Variants in CNOT1 observed in about 807,000 individuals in gnomAD.
CNOT1 encodes CCR4-associated factor 1.
A neutral mutation model predicts 273.8 loss-of-function variants in CNOT1; 15 were observed. The observed-to-expected ratio is 0.05, with a 90% CI of 0.04 to 0.08. The LOEUF (loss-of-function observed/expected upper bound fraction) is 0.08, where lower values mean the gene tolerates loss of function less well. Among genes scored for constraint, CNOT1 ranks in the 10% least tolerant of loss-of-function variants. The pLI, the probability that CNOT1 is intolerant of heterozygous loss-of-function variation, is 1.00. For synonymous variants in CNOT1, 1,022 were observed against 1,005.5 expected (o/e 1.02, Z -0.31); for missense variants, 1,644 against 2,912.2 (o/e 0.56, Z 10.02).
rs1285087863 is a variant in CNOT1, at chr16:58,599,421, G to A, written c.-84C>T. 45 of 1,549,248 alleles carry A rather than the reference G, an allele frequency of 2.9e-5. No individual in the cohort carries two copies. The highest frequency in any genetic ancestry group is 3.9e-5 in the Non-Finnish European group (44 of 1,130,822). Reference sequence around the variant, plus strand: ...TTAGTCACCTCAGAGGCAGGTTAATGCTTTCTTTGTAATTAGGCTATATCT... The same window carrying A: ...TTAGTCACCTCAGAGGCAGGTTAATACTTTCTTTGTAATTAGGCTATATCT... On this transcript the variant is annotated 5_prime_UTR_variant, in exon 2 of 49. Transcript: ENST00000317147.
chr16:58,575,232 A>G, intron 14 of CNOT1, 103 bp from the exon 15 acceptor site: 1 of 1,490,096 alleles, frequency 6.7e-7, no homozygotes, highest in Non-Finnish European at 9.0e-7. Context: ...CAAATAAAAC[A>G]CACTGCTAAT....
At chr16:58,587,966 TC>T in intron 3 of CNOT1, 88 bp from the exon 4 acceptor site, 1 of 1,272,432 alleles carries the variant, frequency 7.9e-7, no homozygotes, top group South Asian at 1.3e-5. Flanking sequence ...TAAAATGTGA[TC>T]TAACACTATA....
At chr16:58,554,944 A>G (rs937140425) in intron 21 of CNOT1, among the ~76,000 whole-genome samples, 2 of 150,244 alleles carry the variant, frequency 1.3e-5, no homozygotes, top group African/African-American at 4.9e-5. Flanking sequence ...TCAAAAAAAA[A>G]AAAAAAAAAG....
chr16:58,539,801 C>T lies in CNOT1; in HGVS notation c.4959G>A (p.Arg1653=), dbSNP rs2040033788. 22 of 1,613,914 alleles carry T rather than the reference C, an allele frequency of 1.4e-5. No homozygotes were observed. Among genetic ancestry groups the T allele is most frequent in the Non-Finnish European group, 1.7e-5 (20 of 1,179,954 alleles). The stretch of plus-strand genomic sequence containing the variant: ...GCAATCCAAGAGCAGCTATGGCATC[C>T]CGAGAGTTTCGAGATAAAACTACAA... ...LEVVVLSRNS[R]DAIAALGLLQ... The change falls in exon 35 of 49, where the codon CGG becomes CGA. Residue 1653 remains arginine (R), a synonymous_variant. Transcript: ENST00000317147.
At chr16:58,533,411 C>T (rs1262702600) in intron 40 of CNOT1, among the ~76,000 whole-genome samples, 1 of 151,930 alleles carries the variant, frequency 6.6e-6, no homozygotes, top group East Asian at 1.9e-4. Context: ...CTGAGGCAGG[C>T]GGATCACAAG....
intron 8 of CNOT1, among the ~76,000 whole-genome samples, chr16:58,584,819 T>C (rs1337852607): frequency 6.6e-6 from 1 of 152,134 alleles, no homozygotes; most frequent in Non-Finnish European, 1.5e-5. Flanking sequence ...ATAATTTGCT[T>C]TTAGAAAAAT....
At chr16:58,609,181 G>A (rs951823510) in intron 1 of CNOT1, among the ~76,000 whole-genome samples, 4 of 152,110 alleles carry the variant, frequency 2.6e-5, no homozygotes, top group Non-Finnish European at 4.4e-5. Context: ...AGACCAGCCT[G>A]ACCAACATGG....
chr16:58,611,036 CTAAA>C (rs935808132), intron 1 of CNOT1, among the ~76,000 whole-genome samples: 10 of 152,068 alleles, frequency 6.6e-5, no homozygotes, highest in African/African-American at 2.2e-4. Flanking sequence ...GACTTGGTCT[CTAAA>C]TAAATAAATT....
chr16:58,572,009 C>T (rs113559734), intron 16 of CNOT1, among the ~76,000 whole-genome samples: 1 of 151,986 alleles, frequency 6.6e-6, no homozygotes, highest in Non-Finnish European at 1.5e-5. Context: ...TTGGGCTGGG[C>T]GTGGTGGTTC....
chr16:58,612,152 G>A (rs2042925083), intron 1 of CNOT1, among the ~76,000 whole-genome samples: 1 of 152,054 alleles, frequency 6.6e-6, no homozygotes, highest in South Asian at 2.1e-4. Flanking sequence ...TCGATCTAAA[G>A]GCAGTTTGGT....
intron 1 of CNOT1, among the ~76,000 whole-genome samples, chr16:58,607,160 C>T (rs1404063009): frequency 6.6e-6 from 1 of 152,034 alleles, no homozygotes; most frequent in Non-Finnish European, 1.5e-5. Context: ...TACATAGGAG[C>T]TTTCACTTAA....
intron 1 of CNOT1, among the ~76,000 whole-genome samples, chr16:58,603,233 C>A (rs1375274466): frequency 6.6e-6 from 1 of 152,098 alleles, no homozygotes; most frequent in East Asian, 1.9e-4. Flanking sequence ...AATTTTCAAT[C>A]ATAAAAAACT....
rs774051945 is a variant in CNOT1, at chr16:58,587,326, C to G, written c.378+19G>C. On this transcript the variant is annotated intron_variant, in intron 5 of 48. Coordinates refer to ENST00000317147, the MANE Select transcript of CNOT1 (RefSeq NM_016284.5). ...TTTAATTCTAGTTTTGTCTACATCT[C>G]TTTTCATAAATCACTCACCTCTTGT... 6.2e-7 allele frequency: 1 copy of G among 1,613,858 alleles called. No homozygotes were observed. The highest frequency in any genetic ancestry group is 8.5e-7 in the Non-Finnish European group (1 of 1,179,944).
chr16:58,551,930 C>G, intron 22 of CNOT1, 111 bp from the exon 23 acceptor site: 1 of 1,385,482 alleles, frequency 7.2e-7, no homozygotes, highest in Non-Finnish European at 9.9e-7. Context: ...TTTGGTTCAT[C>G]TAGCTCACAT....
At chr16:58,587,154 G>GT in intron 6 of CNOT1, 47 bp downstream of exon 6, 1 of 1,591,888 alleles carries the variant, frequency 6.3e-7, no homozygotes, top group South Asian at 1.1e-5. Flanking sequence ...AAAAACCCAC[G>GT]TATTTTAAAG....
intron 16 of CNOT1, among the ~76,000 whole-genome samples, chr16:58,562,375 A>G (rs1485692946): frequency 6.6e-6 from 1 of 151,790 alleles, no homozygotes; most frequent in African/African-American, 2.4e-5. Context: ...GTGGTGGCAC[A>G]TGCCTGTAGT....
chr16:58,616,515 C>T (rs1168441895), intron 1 of CNOT1, among the ~76,000 whole-genome samples: 1 of 152,190 alleles, frequency 6.6e-6, no homozygotes, highest in Non-Finnish European at 1.5e-5. Context: ...CCTCAGCCTC[C>T]CAAAGTGCTG....
At position 58,599,456 on chromosome 16, in the gene CNOT1, A is replaced by C. The variant is rs1298947806; in HGVS notation, c.-119T>G. 2.4e-6 allele frequency: 3 copies of C among 1,234,240 alleles called. No homozygotes were observed. Among genetic ancestry groups the C allele is most frequent in the Non-Finnish European group, 2.3e-6 (2 of 885,790 alleles). The allele number at this position is 1,234,240 out of a possible 1,614,324, so 76.5% of individuals were successfully genotyped here. A position where few individuals can be genotyped will look rare whatever the true frequency, so the allele number is the denominator to read the frequency against. On this transcript the variant is annotated 5_prime_UTR_variant, in exon 2 of 49. Coordinates refer to ENST00000317147, the MANE Select transcript of CNOT1 (RefSeq NM_016284.5). Reference sequence around the variant, plus strand: ...TAATTAGGCTATATCTGGTATCTGTATAATATCTTCAGTTCTTCTTTACCA... The same window carrying C: ...TAATTAGGCTATATCTGGTATCTGTCTAATATCTTCAGTTCTTCTTTACCA...
chr16:58,587,675 C>T (rs2041920241), intron 4 of CNOT1, 105 bp downstream of exon 4: 1 of 1,324,364 alleles, frequency 7.6e-7, no homozygotes, highest in African/African-American at 1.5e-5. Context: ...AAAATAACAA[C>T]CTGAAATTTT....
Sources: gnomAD v4.1 joint callset for allele counts (sites outside exome capture counted in the v4.1 genomes callset) on GRCh38, gnomAD v4.1.1 for gene constraint, MANE v1.5 for transcripts, NCBI Gene and HGNC (gene_info 2026-07-23, HGNC 2026-07-21) for gene names.